Variants in USP28 observed in about 807,000 individuals in gnomAD.
USP28 encodes ubiquitin specific peptidase 28.
In USP28, 113 loss-of-function variants were observed where a neutral mutation model predicts 145.0. The observed-to-expected ratio is 0.78, with a 90% CI of 0.67 to 0.91. The LOEUF is 0.91. USP28 is among the 40% of genes least tolerant of loss of function. The pLI, the probability that USP28 is intolerant of heterozygous loss-of-function variation, is 0.00. For synonymous variants in USP28, 447 were observed against 450.9 expected, an observed-to-expected ratio of 0.99 and a Z score of 0.11; for missense variants, 1,201 against 1,289.6, an observed-to-expected ratio of 0.93 and a Z score of 1.05.
At chr11:113,808,130 C>T (rs1386806515) in intron 18 of USP28, 1 of 1,511,982 alleles carries the variant, frequency 6.6e-7, no homozygotes, top group Admixed American at 2.1e-5. Flanking sequence ...GGTTCAGCTT[C>T]TTTAAGCTGT....
At chr11:113,844,513 T>C (rs1414300385) in intron 3 of USP28, among the ~76,000 whole-genome samples, 1 of 95,500 alleles carries the variant, frequency 1.0e-5, no homozygotes, top group African/African-American at 4.2e-5. Context: ...ATGCATCTGA[T>C]AAGAGATCTA....
chr11:113,854,188 T>C, intron 2 of USP28, 70 bp downstream of exon 2: 1 of 1,401,990 alleles, frequency 7.1e-7, no homozygotes, highest in Non-Finnish European at 9.9e-7. Context: ...AGAAATAGCT[T>C]GAACTGACAT....
chr11:113,846,386 T>C (rs576485849), intron 3 of USP28, among the ~76,000 whole-genome samples: 18 of 152,350 alleles, frequency 1.2e-4, no homozygotes, highest in Non-Finnish European at 1.6e-4. Context: ...TTAAGACAGA[T>C]ATTATGCCAA....
chr11:113,801,625 T>C, exon 24 of USP28: 1 of 1,594,992 alleles, frequency 6.3e-7, no homozygotes, highest in East Asian at 2.2e-5. Context: ...TGCCCTCAGT[T>C]ACGGAGTGAT....
chr11:113,817,580 C>T, intron 13 of USP28, 78 bp downstream of exon 13: 1 of 1,492,626 alleles, frequency 6.7e-7, no homozygotes, highest in Non-Finnish European at 9.1e-7. Flanking sequence ...GACTGTCAAT[C>T]AAGTACAAAG....
intron 8 of USP28, 171 bp from the exon 9 acceptor site, chr11:113,831,114 T>C (rs1263785397): frequency 1.6e-6 from 1 of 623,822 alleles, no homozygotes; most frequent in Non-Finnish European, 2.8e-6. Flanking sequence ...ATTGAACACC[T>C]TCTTTCGAGC....
chr11:113,832,732 GGAA>G (rs1367134978), intron 7 of USP28, among the ~76,000 whole-genome samples: 6 of 152,052 alleles, frequency 3.9e-5, no homozygotes, highest in Non-Finnish European at 7.4e-5. Context: ...AATCATATGA[GGAA>G]GAAGATGATC....
intron 1 of USP28, among the ~76,000 whole-genome samples, chr11:113,868,567 C>G (rs1379678994): frequency 3.3e-5 from 5 of 152,088 alleles, no homozygotes; most frequent in Admixed American, 3.3e-4. Flanking sequence ...TGGTCATAAG[C>G]TGCATTTCTC....
At chr11:113,838,238 G>A (rs1565431294) in intron 5 of USP28, among the ~76,000 whole-genome samples, 2 of 152,102 alleles carry the variant, frequency 1.3e-5, no homozygotes, top group African/African-American at 2.4e-5. Flanking sequence ...TGAATCCAAG[G>A]AGCATTATCT....
chr11:113,865,195 A>G (rs997527461), intron 1 of USP28, among the ~76,000 whole-genome samples: 2 of 152,128 alleles, frequency 1.3e-5, no homozygotes, highest in African/African-American at 2.4e-5. Flanking sequence ...CAAAAGTTCA[A>G]TGTAATCCCT....
At chr11:113,813,033 A>T (rs543213053) in intron 15 of USP28, among the ~76,000 whole-genome samples, 1 of 152,350 alleles carries the variant, frequency 6.6e-6, no homozygotes, top group African/African-American at 2.4e-5. Context: ...ACAACATTTG[A>T]AAAGCACATT....
At chr11:113,837,683 A>G (rs1469222010) in intron 5 of USP28, among the ~76,000 whole-genome samples, 1 of 152,210 alleles carries the variant, frequency 6.6e-6, no homozygotes, top group Admixed American at 6.5e-5. Flanking sequence ...TTAAATTCAC[A>G]GAGTGCCCTT....
intron 15 of USP28, 174 bp downstream of exon 15, chr11:113,813,711 T>C (rs1941325923): frequency 1.6e-6 from 1 of 633,992 alleles, no homozygotes; most frequent in African/African-American, 1.9e-5. Flanking sequence ...GTAAAAGGTA[T>C]ATTGCTTTCT....
At chr11:113,870,951 G>A (rs2137174299) in intron 1 of USP28, among the ~76,000 whole-genome samples, 1 of 152,296 alleles carries the variant, frequency 6.6e-6, no homozygotes, top group South Asian at 2.1e-4. Flanking sequence ...GTTGTTATTT[G>A]GTTTCAAGAT....
At chr11:113,819,487 C>T (rs1942279414) in intron 12 of USP28, among the ~76,000 whole-genome samples, 1 of 152,114 alleles carries the variant, frequency 6.6e-6, no homozygotes, top group Admixed American at 6.6e-5. Context: ...AAGTATAAAA[C>T]AGACCATAAA....
At position 113,842,979 on chromosome 11, in the gene USP28, C is replaced by T. The variant is rs1428396460; in HGVS notation, c.269-1211G>A. On this transcript the variant is annotated intron_variant, in intron 3 of 24. Transcript: ENST00000003302. ...GGCATGGTGGCTCACGCCTTTAATC[C>T]CAGCACTTTGGGAGGTCAAGATGGG... 2.6e-5 allele frequency among the ~76,000 whole-genome samples: 4 copies of T among 152,276 alleles called. No homozygotes were observed. In the East Asian group the frequency reaches 5.8e-4, roughly 22 times the overall value.
At chr11:113,799,639 G>C (rs1009185218) in intron 24 of USP28, among the ~76,000 whole-genome samples, 3 of 152,112 alleles carry the variant, frequency 2.0e-5, no homozygotes, top group Admixed American at 2.0e-4. Flanking sequence ...TATTACGAAA[G>C]GGTCTTCTAA....
At chr11:113,849,526 G>A (rs990070962) in intron 3 of USP28, among the ~76,000 whole-genome samples, 7 of 152,142 alleles carry the variant, frequency 4.6e-5, no homozygotes, top group African/African-American at 1.4e-4. Context: ...AGGCAGGAGA[G>A]CAATGGAAAC....
intron 3 of USP28, among the ~76,000 whole-genome samples, chr11:113,851,368 C>G (rs11607482): frequency 6.6e-6 from 1 of 152,200 alleles, no homozygotes; most frequent in African/African-American, 2.4e-5. Context: ...CTTTCCATGG[C>G]CCCATCCCTT....
Sources: gnomAD v4.1 joint callset for allele counts (sites outside exome capture counted in the v4.1 genomes callset) on GRCh38, gnomAD v4.1.1 for gene constraint, MANE v1.5 for transcripts, NCBI Gene and HGNC (gene_info 2026-07-23, HGNC 2026-07-21) for gene names.